Variants in MGST1 observed in about 807,000 individuals in gnomAD.
MGST1 encodes microsomal glutathione S-transferase 1.
A neutral mutation model predicts 8.9 loss-of-function variants in MGST1; 5 were observed. That is an observed-to-expected ratio of 0.56 (90% CI 0.29 to 1.19). The LOEUF (loss-of-function observed/expected upper bound fraction) is 1.19. MGST1 is among the 50% of genes most tolerant of loss of function. MGST1 has a pLI of 0.08. For missense variants in MGST1, 182 were observed against 187.4 expected, an observed-to-expected ratio of 0.97 and a Z score of 0.17; for synonymous variants, 54 against 67.8, an observed-to-expected ratio of 0.80 and a Z score of 1.00.
In MGST1 at chr12:16,447,293, C is replaced by T. The variant is rs149522416; in HGVS notation, n.482+63689C>T. Among the ~76,000 whole-genome samples the T allele has an allele frequency of 2.7e-3, 414 of 152,010 alleles. 2 individuals are homozygous for T. Among genetic ancestry groups the T allele is most frequent in the African/African-American group, 9.6e-3 (399 of 41,518 alleles). On this transcript the variant is annotated intron_variant and non_coding_transcript_variant, in intron 4 of 4. Transcript: ENST00000538857. ...CAAATATGCTGGCTAATCATTGAAG[C>T]TCTTTTGGGGGTATAGTGTCTTTCC...
chr12:16,566,029 TATATATATATAA>T (rs1942595278), intron 4 of MGST1, among the ~76,000 whole-genome samples: 4 of 69,182 alleles, frequency 5.8e-5, no homozygotes, highest in African/African-American at 2.1e-4. Flanking sequence ...TATATATATA[TATATATATATAA>T]AATGGAGTAC....
chr12:16,365,808 C>G (rs945212049), downstream of MGST1, among the ~76,000 whole-genome samples: 1 of 152,200 alleles, frequency 6.6e-6, no homozygotes, highest in African/African-American at 2.4e-5. Flanking sequence ...GCTGTCTGAT[C>G]TGCAGTTTCC....
At chr12:16,399,519 T>A (rs1940634789) in intron 1 of MGST1, 8 of 1,560,004 alleles carry the variant, frequency 5.1e-6, no homozygotes, top group Non-Finnish European at 7.1e-6. Flanking sequence ...GTCTGACTCT[T>A]CTGCTTCTGA....
At chr12:16,424,516 A>G (rs1310742701) in intron 1 of MGST1, among the ~76,000 whole-genome samples, 1 of 151,998 alleles carries the variant, frequency 6.6e-6, no homozygotes, top group African/African-American at 2.4e-5. Flanking sequence ...TTTTCCTCTA[A>G]TTATTTCTTC....
intron 4 of MGST1, among the ~76,000 whole-genome samples, chr12:16,575,178 TC>T (rs1393068270): frequency 2.0e-5 from 3 of 152,138 alleles, no homozygotes; most frequent in African/African-American, 7.2e-5. Context: ...TATAAAAAGC[TC>T]CCTATTCTCT....
At chr12:16,499,555 A>G (rs1346883079) in intron 4 of MGST1, among the ~76,000 whole-genome samples, 1 of 152,058 alleles carries the variant, frequency 6.6e-6, no homozygotes, top group Non-Finnish European at 1.5e-5. Context: ...TTCTCATTTC[A>G]GTGGGTGCCA....
intron 4 of MGST1, among the ~76,000 whole-genome samples, chr12:16,494,385 T>G (rs1013603191): frequency 2.6e-5 from 4 of 152,136 alleles, no homozygotes; most frequent in African/African-American, 7.2e-5. Context: ...ATCTGAAAAA[T>G]TATTGCCTTA....
chr12:16,520,079 G>C (rs1057090435), intron 4 of MGST1, among the ~76,000 whole-genome samples: 4 of 152,086 alleles, frequency 2.6e-5, no homozygotes, highest in African/African-American at 9.7e-5. Flanking sequence ...ACGGGCATTG[G>C]ATTGGCTTTT....
At chr12:16,469,659 G>A (rs1331060330) in intron 4 of MGST1, among the ~76,000 whole-genome samples, 1 of 152,108 alleles carries the variant, frequency 6.6e-6, no homozygotes, top group East Asian at 1.9e-4. Context: ...GCTAAGTATC[G>A]GCAAAATTCA....
In MGST1 at chr12:16,361,388, C is replaced by T. The variant is rs1387073272; in HGVS notation, c.222-2407C>T. Reference sequence around the variant, plus strand: ...AGAGCACAGAGATGGTGGGAAGGTCCGTCACAGAGCAAATATATGCCAGGG... The same window carrying T: ...AGAGCACAGAGATGGTGGGAAGGTCTGTCACAGAGCAAATATATGCCAGGG... On this transcript the variant is annotated intron_variant, in intron 3 of 3. Transcript: ENST00000396210. This position sits in a 1 kb window ranked among gnomAD's most constrained non-coding sequence, Gnocchi z 4.2. Among the ~76,000 whole-genome samples the T allele has an allele frequency of 2.0e-5, 3 of 152,168 alleles. No individual in the cohort carries two copies. The highest frequency in any genetic ancestry group is 2.1e-4 in the South Asian group (1 of 4,822).
intron 1 of MGST1, chr12:16,399,573 T>G (rs572706184): frequency 6.3e-7 from 1 of 1,597,604 alleles, no homozygotes; most frequent in African/African-American, 1.3e-5. Context: ...TTCATAGTCA[T>G]CTTCTGAAGG....
intron 4 of MGST1, chr12:16,549,565 T>C (rs1382202073): frequency 6.6e-6 from 1 of 152,530 alleles, no homozygotes; most frequent in Non-Finnish European, 1.5e-5. Context: ...CTGTAATGCA[T>C]ATATTGGAAG....
intron 4 of MGST1, among the ~76,000 whole-genome samples, chr12:16,462,762 A>C (rs530884103): frequency 9.8e-5 from 15 of 152,310 alleles, no homozygotes; most frequent in African/African-American, 3.6e-4. Flanking sequence ...AGACACAAAG[A>C]AAAGGAAAGT....
chr12:16,402,111 C>T, intron 1 of MGST1: 1 of 1,523,604 alleles, frequency 6.6e-7, no homozygotes, highest in Non-Finnish European at 9.1e-7. Flanking sequence ...TATCAGCAGT[C>T]TGATGGCAGG....
Position 16,385,860 on chromosome 12 carries a change from C to T in MGST1, n.778+2256C>T, listed in dbSNP as rs1183741303. Among the ~76,000 whole-genome samples, 9 of 152,176 alleles carry T rather than the reference C, an allele frequency of 5.9e-5. No homozygotes were observed. The South Asian group carries it at 1.0e-3, about 18-fold the overall frequency. ...ACATACAGTTTCTTTTGGAGTTTTGCGTCTTTTCTACCTCTTAAGAGTCAA... is the reference window on the plus strand; with the variant it reads ...ACATACAGTTTCTTTTGGAGTTTTGTGTCTTTTCTACCTCTTAAGAGTCAA... On this transcript the variant is annotated intron_variant and non_coding_transcript_variant, in intron 1 of 1. Transcript: ENST00000359720.
Position 16,503,443 on chromosome 12 carries a change from A to G in MGST1, n.483-86085A>G, listed in dbSNP as rs972427362. On this transcript the variant is annotated intron_variant and non_coding_transcript_variant, in intron 4 of 4. Coordinates refer to the MGST1 transcript ENST00000538857. The surrounding 1 kb of genome is among the most constrained non-coding windows in gnomAD (Gnocchi z 4.8). ...GTGGTAATCAGTAAAAATCTAATCA[A>G]AGCACAAAGAAGACAGTCATTCTGT... Among the ~76,000 whole-genome samples the G allele has an allele frequency of 3.9e-5, 6 of 152,096 alleles. No homozygotes were observed. Among genetic ancestry groups the G allele is most frequent in the African/African-American group, 4.8e-5 (2 of 41,406 alleles).
chr12:16,436,705 T>A (rs183835553), intron 1 of MGST1, among the ~76,000 whole-genome samples: 81 of 152,120 alleles, frequency 5.3e-4, no homozygotes, highest in Admixed American at 1.2e-3. Flanking sequence ...AAGAGCCTTA[T>A]TGAAATAATC....
At chr12:16,463,969 G>C (rs1247599890) in intron 4 of MGST1, among the ~76,000 whole-genome samples, 1 of 152,130 alleles carries the variant, frequency 6.6e-6, no homozygotes, top group Admixed American at 6.5e-5. Context: ...ATTATCTTTG[G>C]AGGCCACAGG....
chr12:16,527,954 C>G (rs1400386338), intron 4 of MGST1, among the ~76,000 whole-genome samples: 1 of 151,802 alleles, frequency 6.6e-6, no homozygotes, highest in Non-Finnish European at 1.5e-5. Flanking sequence ...ATATAAGGCT[C>G]AAGGAGGTAT....
Sources: allele counts gnomAD v4.1 joint callset (sites outside exome capture counted in the v4.1 genomes callset), GRCh38; gene constraint gnomAD v4.1.1; non-coding constraint Gnocchi (gnomAD v3.1); transcripts MANE v1.5; gene names NCBI Gene and HGNC (gene_info 2026-07-23, HGNC 2026-07-21).